Variants in HIRA observed in about 807,000 individuals in gnomAD.
The protein encoded by HIRA is histone cell cycle regulator.
HIRA carries 13 observed loss-of-function variants against 126.6 expected under a neutral mutation model. The observed-to-expected ratio is 0.10, with a 90% CI of 0.07 to 0.16. The LOEUF is 0.16. Ranked by LOEUF, HIRA falls within the 10% of genes least tolerant of loss-of-function variation. The probability of loss-of-function intolerance (pLI) is 1.00; values close to 1 mark genes in which losing one functional copy is unlikely to be tolerated. For missense variants in HIRA, 834 were observed against 1,314.4 expected (o/e 0.63, Z 5.65); for synonymous variants, 511 against 520.0 (o/e 0.98, Z 0.24).
At chr22:19,389,034 A>C (rs1408075792) in intron 9 of HIRA, among the ~76,000 whole-genome samples, 3 of 152,156 alleles carry the variant, frequency 2.0e-5, no homozygotes, top group African/African-American at 7.2e-5. Flanking sequence ...ATTCTACACT[A>C]TGTGTAGGTA....
At chr22:19,367,113 T>C (rs1039462975) in intron 15 of HIRA, among the ~76,000 whole-genome samples, 6 of 152,172 alleles carry the variant, frequency 3.9e-5, no homozygotes, top group African/African-American at 7.2e-5. Context: ...TTTTGTAAGG[T>C]TGGTACTAAT....
intron 1 of HIRA, among the ~76,000 whole-genome samples, chr22:19,418,602 T>C (rs2089418678): frequency 5.2e-5 from 6 of 115,428 alleles, no homozygotes; most frequent in African/African-American, 2.0e-4. Context: ...TGTTCCAGCC[T>C]GGGCAACAGA....
At position 19,377,918 on chromosome 22, in the gene HIRA, C is replaced by T; in HGVS notation, c.1564G>A (p.Val522Met). ...FGASKPCTEP[V>M]VAASARPAGD... ...GCAGGTCTGGCACTGGCAGCCACCACAGGCTCTGTGCAAGGCTTCGAGGCG... is the reference window on the plus strand; with the variant it reads ...GCAGGTCTGGCACTGGCAGCCACCATAGGCTCTGTGCAAGGCTTCGAGGCG... Residue 522 changes from valine to methionine, a missense_variant, in exon 14 of 25, where the codon GTG (valine) becomes ATG (methionine). Physicochemically the swap from Val to Met is conservative, Grantham distance 21. Around this residue, in one of 5 missense-constraint regions of HIRA, gnomAD observed 468 missense variants for 574.2 expected, o/e 0.82. Transcript: ENST00000263208. The T allele has an allele frequency of 3.7e-6, 6 of 1,613,790 alleles. No individual in the cohort carries two copies. Among genetic ancestry groups the T allele is most frequent in the Non-Finnish European group, 5.1e-6 (6 of 1,179,866 alleles).
At chr22:19,420,471 A>AAAC (rs1556028345) in intron 1 of HIRA, among the ~76,000 whole-genome samples, 25 of 141,566 alleles carry the variant, frequency 1.8e-4, no homozygotes, top group Non-Finnish European at 2.6e-4. Context: ...TCAAAAAAAA[A>AAAC]AAAAAAAAAA....
Position 19,431,567 on chromosome 22 carries a change from G to T in HIRA, c.-91C>A. 1 of 998,184 alleles carries T rather than the reference G, an allele frequency of 1.0e-6. No individual in the cohort carries two copies. The allele number at this position is 998,184 out of a possible 1,614,324, so 61.8% of individuals were successfully genotyped here. A position where few individuals can be genotyped will look rare whatever the true frequency, so the allele number is the denominator to read the frequency against. On this transcript the variant is annotated 5_prime_UTR_variant, in exon 1 of 25. Transcript: ENST00000263208. ...AGCCACCGCCGCCGCTTCCTCCCGC[G>T]CCACCCGCCCTCCGGCCGCCGCCCG...
At chr22:19,420,949 C>G (rs1418998777) in intron 1 of HIRA, among the ~76,000 whole-genome samples, 1 of 152,144 alleles carries the variant, frequency 6.6e-6, no homozygotes, top group Admixed American at 6.5e-5. Context: ...AATCTGCTAG[C>G]TCAACAATAA....
intron 12 of HIRA, among the ~76,000 whole-genome samples, 170 bp downstream of exon 12, chr22:19,385,351 T>C (rs2089116898): frequency 1.3e-5 from 2 of 152,354 alleles, no homozygotes; most frequent in African/African-American, 4.8e-5. Flanking sequence ...CCAGGCCCCA[T>C]TACTGCATCA....
intron 7 of HIRA, 113 bp from the exon 8 acceptor site, chr22:19,394,622 C>CG: frequency 1.9e-6 from 2 of 1,066,336 alleles, no homozygotes; most frequent in South Asian, 3.0e-5. Flanking sequence ...GTGGAGCATG[C>CG]ACCCCAAGCT....
At chr22:19,415,867 T>C (rs369424524) in intron 1 of HIRA, among the ~76,000 whole-genome samples, 1 of 152,076 alleles carries the variant, frequency 6.6e-6, no homozygotes, top group African/African-American at 2.4e-5. Flanking sequence ...AATGGTACTT[T>C]CTGCAGAAAT....
In HIRA at chr22:19,372,288, G is replaced by C. The variant is rs974801831; in HGVS notation, c.1775+3343C>G. On this transcript the variant is annotated intron_variant, in intron 15 of 24. Coordinates refer to ENST00000263208, the MANE Select transcript of HIRA (RefSeq NM_003325.4). ...CTTTTAATTACAGACCTCCAAATGG[G>C]TATGAAGTATTTCATTGAAGTTTTG... Among the ~76,000 whole-genome samples the C allele has an allele frequency of 5.9e-5, 9 of 152,146 alleles. 1 individual carries two copies. Among genetic ancestry groups the C allele is most frequent in the Admixed American group, 5.9e-4 (9 of 15,270 alleles).
intron 2 of HIRA, among the ~76,000 whole-genome samples, chr22:19,410,372 T>C (rs1380218098): frequency 6.6e-6 from 1 of 152,162 alleles, no homozygotes; most frequent in African/African-American, 2.4e-5. Context: ...ATGAGAAAAA[T>C]GCTGACAGAG....
intron 1 of HIRA, among the ~76,000 whole-genome samples, chr22:19,429,675 T>C (rs138515648): frequency 3.9e-4 from 59 of 152,334 alleles, no homozygotes; most frequent in South Asian, 2.1e-3. Context: ...TATTCATTTG[T>C]ACCTAGTTCG....
At chr22:19,412,840 T>C (rs1469052636) in intron 1 of HIRA, among the ~76,000 whole-genome samples, 2 of 152,208 alleles carry the variant, frequency 1.3e-5, no homozygotes, top group African/African-American at 2.4e-5. Flanking sequence ...AGATTTCTAC[T>C]ATGTGCCAGG....
At chr22:19,372,725 C>A (rs991269821) in intron 15 of HIRA, among the ~76,000 whole-genome samples, 1 of 152,078 alleles carries the variant, frequency 6.6e-6, no homozygotes, top group Non-Finnish European at 1.5e-5. Context: ...GCGCCTGCCA[C>A]CATGCCTGGC....
intron 9 of HIRA, 77 bp downstream of exon 9, chr22:19,392,023 AG>A: frequency 1.3e-6 from 1 of 759,076 alleles, no homozygotes; most frequent in East Asian, 2.5e-5. Flanking sequence ...CACCCAAAGC[AG>A]GTCTCTTTCC....
At chr22:19,396,988 G>A in intron 6 of HIRA, 41 bp from the exon 7 acceptor site, 2 of 1,595,090 alleles carry the variant, frequency 1.3e-6, no homozygotes, top group Non-Finnish European at 1.7e-6. Flanking sequence ...TTGTCTGAGG[G>A]AAACATGACC....
chr22:19,355,112 T>C (rs2088798699), intron 21 of HIRA, among the ~76,000 whole-genome samples: 2 of 152,008 alleles, frequency 1.3e-5, no homozygotes, highest in African/African-American at 4.8e-5. Context: ...AGTGTGAATG[T>C]AGACTTCTGC....
At chr22:19,406,449 C>T (rs905392385) in intron 4 of HIRA, among the ~76,000 whole-genome samples, 1 of 152,154 alleles carries the variant, frequency 6.6e-6, no homozygotes, top group Admixed American at 6.5e-5. Context: ...AGGTACTAGC[C>T]CCCACCACAG....
chr22:19,374,165 T>G (rs1688698126), intron 15 of HIRA, among the ~76,000 whole-genome samples: 1 of 151,476 alleles, frequency 6.6e-6, no homozygotes, highest in African/African-American at 2.4e-5. Flanking sequence ...AAACCCCATC[T>G]CTACTAAAAT....
Sources: allele counts gnomAD v4.1 joint callset (sites outside exome capture counted in the v4.1 genomes callset), GRCh38; gene constraint gnomAD v4.1.1; regional missense constraint gnomAD v4.1.1; transcripts MANE v1.5; gene names NCBI Gene and HGNC (gene_info 2026-07-23, HGNC 2026-07-21).